COL27A1: variants seen among roughly 807,000 people sequenced by gnomAD.
COL27A1 encodes the protein collagen alpha-1(XXVII) chain.
In COL27A1, 106 loss-of-function variants were observed where a neutral mutation model predicts 251.3. That is an observed-to-expected ratio of 0.42 (90% CI 0.36 to 0.50). The LOEUF (loss-of-function observed/expected upper bound fraction) is 0.50, where lower values mean the gene tolerates loss of function less well. Ranked by LOEUF, COL27A1 falls within the 20% of genes least tolerant of loss-of-function variation. The probability of loss-of-function intolerance (pLI) is 0.00; values close to 1 mark genes in which losing one functional copy is unlikely to be tolerated. For synonymous variants in COL27A1, 1,000 were observed against 986.3 expected (o/e 1.01, Z -0.26); for missense variants, 2,325 against 2,522.8 (o/e 0.92, Z 1.68).
At chr9:114,268,561 G>C (rs944286418) in intron 34 of COL27A1, among the ~76,000 whole-genome samples, 2 of 152,172 alleles carry the variant, frequency 1.3e-5, no homozygotes, top group African/African-American at 4.8e-5. Flanking sequence ...TGCATCCAAG[G>C]CTCCTGGAAC....
intron 4 of COL27A1, among the ~76,000 whole-genome samples, chr9:114,181,471 G>A (rs987034631): frequency 1.3e-5 from 2 of 152,160 alleles, no homozygotes; most frequent in Non-Finnish European, 2.9e-5. Context: ...CCTCAGAGAG[G>A]GAAGAAGAAA....
At chr9:114,166,583 C>A (rs1179109424) in intron 2 of COL27A1, among the ~76,000 whole-genome samples, 2 of 152,222 alleles carry the variant, frequency 1.3e-5, no homozygotes, top group Non-Finnish European at 2.9e-5. Flanking sequence ...GTACTCAGGG[C>A]CTATCTTGCT....
chr9:114,253,807 G>T (rs1333955257), intron 27 of COL27A1, among the ~76,000 whole-genome samples: 2 of 152,278 alleles, frequency 1.3e-5, no homozygotes, highest in South Asian at 4.1e-4. Context: ...AAGCATTTTG[G>T]TTATTAGCAG....
chr9:114,173,303 C>T (rs778221932), intron 3 of COL27A1, among the ~76,000 whole-genome samples: 28 of 152,272 alleles, frequency 1.8e-4, no homozygotes, highest in Non-Finnish European at 3.1e-4. Context: ...CTCGGGAAGA[C>T]GCCGCTAAGG....
In COL27A1 at chr9:114,202,004, A is replaced by G. The variant is rs536277042; in HGVS notation, c.2125-3098A>G. 2.0e-5 allele frequency among the ~76,000 whole-genome samples: 3 copies of G among 152,304 alleles called. No individual in the cohort carries two copies. In the East Asian group the frequency reaches 5.8e-4, roughly 29 times the overall value. On this transcript the variant is annotated intron_variant, in intron 7 of 60. Transcript: ENST00000356083. ...ACCCCTCTGAACATCAGTTTCCTCAACTGGCAAATGTGTATGGTAATTTCT... is the reference window on the plus strand; with the variant it reads ...ACCCCTCTGAACATCAGTTTCCTCAGCTGGCAAATGTGTATGGTAATTTCT...
intron 5 of COL27A1, among the ~76,000 whole-genome samples, chr9:114,193,983 G>A (rs150926026): frequency 6.6e-6 from 1 of 152,288 alleles, no homozygotes; most frequent in African/African-American, 2.4e-5. Context: ...ACGATGATTG[G>A]AGAAGGGGTT....
At chr9:114,258,221 T>C (rs1310970399) in intron 27 of COL27A1, among the ~76,000 whole-genome samples, 1 of 152,140 alleles carries the variant, frequency 6.6e-6, no homozygotes, top group Non-Finnish European at 1.5e-5. Context: ...TATCTTCTCA[T>C]TGTTGATTTT....
At position 114,155,827 on chromosome 9, in the gene COL27A1, C is replaced by T; in HGVS notation, c.-124C>T. 1 of 801,568 alleles carries T rather than the reference C, an allele frequency of 1.2e-6. No homozygotes were observed. The highest frequency in any genetic ancestry group is 1.5e-6 in the Non-Finnish European group (1 of 662,054). 49.7% of individuals were successfully genotyped at this position (801,568 alleles called of 1,614,324 possible). ...TCGGGCGCCCCTGGGCGCGGGGCTG[C>T]GCTGGGGGCGCGGGGGCCGCGCGCT... On this transcript the variant is annotated 5_prime_UTR_variant, in exon 1 of 61. Coordinates refer to ENST00000356083, the MANE Select transcript of COL27A1 (RefSeq NM_032888.4). The surrounding 1 kb of genome is among the most constrained non-coding windows in gnomAD (Gnocchi z 5.5).
At chr9:114,242,271 G>T (rs764587168) in intron 22 of COL27A1, 40 bp downstream of exon 22, 1 of 1,571,906 alleles carries the variant, frequency 6.4e-7, no homozygotes, top group Admixed American at 1.8e-5. Flanking sequence ...ATTCATGGGA[G>T]CTGAGCCAGC....
intron 37 of COL27A1, 77 bp from the exon 38 acceptor site, chr9:114,282,200 C>A: frequency 7.3e-7 from 1 of 1,377,664 alleles, no homozygotes; most frequent in Non-Finnish European, 1.0e-6. Context: ...AGCCGACAGT[C>A]TGACCGCCTT....
At chr9:114,252,488 C>A (rs1045268327) in intron 25 of COL27A1, 105 bp from the exon 26 acceptor site, 7 of 942,094 alleles carry the variant, frequency 7.4e-6, no homozygotes, top group Middle Eastern at 2.2e-4. Flanking sequence ...CTTGAGCAAA[C>A]CCCTACCTCT....
chr9:114,219,318 C>T (rs1830925055), intron 12 of COL27A1, among the ~76,000 whole-genome samples: 2 of 152,188 alleles, frequency 1.3e-5, no homozygotes, highest in East Asian at 1.9e-4. Flanking sequence ...GCCTCGTTTC[C>T]TTTATCTGTC....
intron 58 of COL27A1, 198 bp downstream of exon 58, chr9:114,306,886 CAA>C (rs1191325107): frequency 3.3e-6 from 2 of 601,884 alleles, no homozygotes; most frequent in South Asian, 2.1e-5. Flanking sequence ...CATTTCAGTG[CAA>C]AGAGACAAGA....
At chr9:114,286,298 A>G (rs1284861398) in intron 41 of COL27A1, among the ~76,000 whole-genome samples, 2 of 152,054 alleles carry the variant, frequency 1.3e-5, no homozygotes, top group African/African-American at 4.8e-5. Flanking sequence ...TGTAATCTTC[A>G]CCACAGCCCC....
At chr9:114,284,305 G>A (rs1836118492) in intron 40 of COL27A1, among the ~76,000 whole-genome samples, 1 of 152,246 alleles carries the variant, frequency 6.6e-6, no homozygotes, top group African/African-American at 2.4e-5. Flanking sequence ...GGGAGGAGGA[G>A]GAGAGGAAAA....
Position 114,291,539 on chromosome 9 carries a change from A to G in COL27A1, c.4477-564A>G, listed in dbSNP as rs566507955. The stretch of plus-strand genomic sequence containing the variant: ...TGAGGCTGGCGAATCACTTGAGGTC[A>G]GGAGTTCGAGACCAGCCCGGCCAAC... On this transcript the variant is annotated intron_variant, in intron 48 of 60. Coordinates refer to ENST00000356083, the MANE Select transcript of COL27A1 (RefSeq NM_032888.4). Among the ~76,000 whole-genome samples the G allele has an allele frequency of 2.0e-5, 3 of 152,268 alleles. No individual in the cohort carries two copies. In the East Asian group the frequency reaches 5.8e-4, roughly 30 times the overall value.
chr9:114,222,157 A>G (rs1345720120), intron 13 of COL27A1, 66 bp from the exon 14 acceptor site: 7 of 1,422,244 alleles, frequency 4.9e-6, no homozygotes, highest in Non-Finnish European at 7.0e-6. Context: ...GTGGAGGATG[A>G]CATGGAGGGA....
chr9:114,237,507 A>T (rs1832477641), intron 18 of COL27A1, among the ~76,000 whole-genome samples, 155 bp from the exon 19 acceptor site: 1 of 152,252 alleles, frequency 6.6e-6, no homozygotes, highest in East Asian at 1.9e-4. Flanking sequence ...TGCAGGAGGC[A>T]GAGTTTGAAT....
intron 28 of COL27A1, among the ~76,000 whole-genome samples, chr9:114,261,482 C>T (rs1368865540): frequency 6.6e-6 from 1 of 152,200 alleles, no homozygotes. Context: ...CGGCTGTTCT[C>T]GCCCCTCTCC....
Sources: allele counts gnomAD v4.1 joint callset (sites outside exome capture counted in the v4.1 genomes callset), GRCh38; gene constraint gnomAD v4.1.1; non-coding constraint Gnocchi (gnomAD v3.1); transcripts MANE v1.5; gene names NCBI Gene and HGNC (gene_info 2026-07-23, HGNC 2026-07-21).